The following GRIP1 variants were observed in gnomAD, a reference collection of about 807,000 sequenced individuals.
The protein encoded by GRIP1 is glutamate receptor-interacting protein 1.
A neutral mutation model predicts 129.9 loss-of-function variants in GRIP1; 45 were observed. The observed-to-expected ratio is 0.35, with a 90% CI of 0.27 to 0.44. The LOEUF (loss-of-function observed/expected upper bound fraction) is 0.44, where lower values mean the gene tolerates loss of function less well. Among genes scored for constraint, GRIP1 ranks in the 20% least tolerant of loss-of-function variants. GRIP1 has a pLI of 1.00. For missense variants in GRIP1, 1,196 were observed against 1,396.8 expected, an observed-to-expected ratio of 0.86 and a Z score of 2.29; for synonymous variants, 530 against 520.8, an observed-to-expected ratio of 1.02 and a Z score of -0.24.
Position 66,596,940 on chromosome 12 carries a change from A to G in GRIP1, c.56-13T>C. On this transcript the variant is annotated splice_polypyrimidine_tract_variant and intron_variant, in intron 1 of 24. Transcript: ENST00000359742. The stretch of plus-strand genomic sequence containing the variant: ...TAGGGACTCTCATCTGCAAAGGTAC[A>G]ATGAAGCGTTTGGTTAATTTCCATC... 6.3e-7 allele frequency: 1 copy of G among 1,580,588 alleles called. No individual in the cohort carries two copies. The highest frequency in any genetic ancestry group is 8.7e-7 in the Non-Finnish European group (1 of 1,149,462).
chr12:67,014,385 A>G (rs539042721), intron 1 of GRIP1, among the ~76,000 whole-genome samples: 1 of 152,284 alleles, frequency 6.6e-6, no homozygotes, highest in African/African-American at 2.4e-5. Context: ...TCAGGCAGTT[A>G]GGAGAAACCA....
At chr12:67,029,680 G>A (rs1245507364) in intron 1 of GRIP1, among the ~76,000 whole-genome samples, 1 of 150,936 alleles carries the variant, frequency 6.6e-6, no homozygotes, top group Non-Finnish European at 1.5e-5. Flanking sequence ...ATATAACATT[G>A]CTTTGACTTT....
intron 16 of GRIP1, among the ~76,000 whole-genome samples, chr12:66,400,427 ACAC>A (rs1389047890): frequency 1.6e-4 from 24 of 152,206 alleles, no homozygotes. Context: ...CATCTCTGCT[ACAC>A]CAATACTCCA....
chr12:66,440,663 T>C (rs1044778076), intron 13 of GRIP1, among the ~76,000 whole-genome samples: 1 of 152,170 alleles, frequency 6.6e-6, no homozygotes, highest in South Asian at 2.1e-4. Flanking sequence ...GTGGATCTGA[T>C]TCCATTATTA....
intron 1 of GRIP1, among the ~76,000 whole-genome samples, chr12:66,729,939 T>A (rs1249115062): frequency 6.6e-6 from 1 of 152,212 alleles, no homozygotes; most frequent in African/African-American, 2.4e-5. Context: ...TACTATAGCA[T>A]ATATCTTAAG....
At chr12:67,028,026 G>A (rs902123107) in intron 1 of GRIP1, among the ~76,000 whole-genome samples, 13 of 152,188 alleles carry the variant, frequency 8.5e-5, no homozygotes, top group Non-Finnish European at 1.5e-5. Context: ...CTCACCAGCT[G>A]ACCCTCAATC....
intron 1 of GRIP1, among the ~76,000 whole-genome samples, chr12:66,599,493 T>C (rs1285689449): frequency 6.6e-6 from 1 of 152,212 alleles, no homozygotes; most frequent in East Asian, 1.9e-4. Flanking sequence ...AGAGGCACCA[T>C]GGCCTTTTAT....
At chr12:66,979,584 A>G (rs1051523400) in intron 1 of GRIP1, among the ~76,000 whole-genome samples, 1 of 152,130 alleles carries the variant, frequency 6.6e-6, no homozygotes, top group Non-Finnish European at 1.5e-5. Context: ...GTTCTGAGAG[A>G]CACTATGTTA....
chr12:66,724,789 C>T (rs1381801320), intron 1 of GRIP1, among the ~76,000 whole-genome samples: 3 of 152,122 alleles, frequency 2.0e-5, no homozygotes, highest in African/African-American at 7.2e-5. Context: ...TTCAGAGAAC[C>T]TTTGTCTGCA....
intron 1 of GRIP1, among the ~76,000 whole-genome samples, chr12:67,062,933 T>G (rs1308719345): frequency 6.6e-6 from 1 of 152,242 alleles, no homozygotes; most frequent in Non-Finnish European, 1.5e-5. Flanking sequence ...ATTGATTGAT[T>G]GTTTCATCAT....
intron 1 of GRIP1, chr12:66,647,332 T>C (rs931733231): frequency 6.6e-6 from 1 of 152,234 alleles, no homozygotes; most frequent in African/African-American, 2.4e-5. Context: ...TTCAGCCCTT[T>C]GAAATTTAGG....
At chr12:66,407,394 T>C (rs1280754751) in intron 15 of GRIP1, 4 of 152,156 alleles carry the variant, frequency 2.6e-5, no homozygotes, top group Non-Finnish European at 2.9e-5. Context: ...AGATGAGCAA[T>C]CACAGTACCT....
At chr12:66,516,961 C>T (rs2060862962) in intron 6 of GRIP1, among the ~76,000 whole-genome samples, 1 of 152,178 alleles carries the variant, frequency 6.6e-6, no homozygotes. Context: ...GATACAAAGA[C>T]CTCATGTAGA....
At chr12:66,568,673 T>C (rs2062851622) in intron 2 of GRIP1, 2 of 216,782 alleles carry the variant, frequency 9.2e-6, no homozygotes, top group Non-Finnish European at 1.9e-5. Flanking sequence ...ATGACATTCA[T>C]CAGCATTGTA....
At chr12:66,578,232 G>GTTTTTTTTTTTGTTT (rs2063212952) in intron 2 of GRIP1, among the ~76,000 whole-genome samples, 1 of 102,514 alleles carries the variant, frequency 9.8e-6, no homozygotes, top group Non-Finnish European at 1.9e-5. Flanking sequence ...CAAAACCGCG[G>GTTTTTTTTTTTGTTT]TTTTTTTTTT....
intron 1 of GRIP1, among the ~76,000 whole-genome samples, chr12:66,890,910 C>G (rs910039038): frequency 6.6e-6 from 1 of 152,154 alleles, no homozygotes; most frequent in Admixed American, 6.5e-5. Flanking sequence ...AGTGGATGCT[C>G]AATGACTTTA....
intron 1 of GRIP1, among the ~76,000 whole-genome samples, chr12:66,940,266 C>T (rs141846618): frequency 3.5e-4 from 54 of 152,162 alleles, no homozygotes; most frequent in East Asian, 1.2e-3. Flanking sequence ...GGATCTTGGG[C>T]AAGTCAATCC....
At chr12:66,760,691 T>C (rs2037447680) in intron 1 of GRIP1, among the ~76,000 whole-genome samples, 1 of 152,074 alleles carries the variant, frequency 6.6e-6, no homozygotes, top group African/African-American at 2.4e-5. Flanking sequence ...CCAAACCCTA[T>C]CACAAGAAAT....
chr12:66,872,530 C>A (rs1210652537), intron 1 of GRIP1, among the ~76,000 whole-genome samples: 2 of 151,946 alleles, frequency 1.3e-5, no homozygotes, highest in Non-Finnish European at 2.9e-5. Flanking sequence ...AACTAAAAAT[C>A]TGGATATATT....
Sources: gnomAD v4.1 joint callset for allele counts (sites outside exome capture counted in the v4.1 genomes callset) on GRCh38, gnomAD v4.1.1 for gene constraint, MANE v1.5 for transcripts, NCBI Gene and HGNC (gene_info 2026-07-23, HGNC 2026-07-21) for gene names.